JCAD: variants seen among roughly 807,000 people sequenced by gnomAD.
JCAD encodes junctional cadherin 5-associated protein.
JCAD carries 40 observed loss-of-function variants against 98.0 expected under a neutral mutation model. That is an observed-to-expected ratio of 0.41 (90% CI 0.32 to 0.53). The LOEUF is 0.53. JCAD is among the 20% of genes least tolerant of loss of function. The pLI, the probability that JCAD is intolerant of heterozygous loss-of-function variation, is 0.31. For synonymous variants in JCAD, 691 were observed against 682.3 expected (o/e 1.01, Z -0.20); for missense variants, 1,705 against 1,738.1 (o/e 0.98, Z 0.34).
chr10:30,101,824 AG>A (rs1376756468), intron 1 of JCAD, among the ~76,000 whole-genome samples: 2 of 152,218 alleles, frequency 1.3e-5, no homozygotes, highest in Non-Finnish European at 2.9e-5. Flanking sequence ...TTTCAGTGAA[AG>A]GGGAGATTAT....
chr10:30,033,316 T>G (rs916600728), intron 2 of JCAD, among the ~76,000 whole-genome samples: 1 of 152,228 alleles, frequency 6.6e-6, no homozygotes. Context: ...TGGACATTGA[T>G]GTGGATTCTA....
At chr10:30,082,020 G>C (rs987214143) in intron 1 of JCAD, among the ~76,000 whole-genome samples, 1 of 152,154 alleles carries the variant, frequency 6.6e-6, no homozygotes, top group African/African-American at 2.4e-5. Context: ...CTCATTTGCT[G>C]ATATTTAAAC....
intron 2 of JCAD, among the ~76,000 whole-genome samples, chr10:30,068,421 T>C (rs1253403534): frequency 7.3e-6 from 1 of 136,094 alleles, no homozygotes; most frequent in Non-Finnish European, 1.5e-5. Flanking sequence ...AAAAAGAGGA[T>C]GTAAATCTCC....
chr10:30,085,863 A>G (rs1387333270), intron 1 of JCAD, among the ~76,000 whole-genome samples: 2 of 152,348 alleles, frequency 1.3e-5, no homozygotes, highest in East Asian at 1.9e-4. Flanking sequence ...GCAGGAATGT[A>G]TGACATCCCC....
intron 2 of JCAD, among the ~76,000 whole-genome samples, chr10:30,041,716 G>A (rs2032520619): frequency 6.6e-6 from 1 of 152,116 alleles, no homozygotes; most frequent in Non-Finnish European, 1.5e-5. Flanking sequence ...GAATTCCTGG[G>A]GCTATGCAGA....
rs754064866 is a variant in JCAD, at chr10:30,027,324, C to T, written c.2824G>A (p.Gly942Ser). Reference protein sequence around the residue: ...PGRFRVEEGGGAPFCSADGST... With the variant: ...PGRFRVEEGGSAPFCSADGST... ...CCATCTGCTGAGCAGAAAGGTGCAC[C>T]GCCACCTTCTTCCACGCGAAAGCGG... is the stretch of plus-strand genomic sequence containing the variant. The change falls in exon 3 of 4, where the codon GGT becomes AGT. Residue 942 changes from glycine (G) to serine (S), a missense_variant. Transcript: ENST00000375377. 3.7e-6 allele frequency: 6 copies of T among 1,613,614 alleles called. No individual in the cohort carries two copies. In the South Asian group the frequency reaches 4.4e-5, roughly 12 times the overall value.
intron 1 of JCAD, among the ~76,000 whole-genome samples, chr10:30,090,021 C>T (rs770150821): frequency 2.0e-5 from 3 of 152,194 alleles, no homozygotes; most frequent in African/African-American, 4.8e-5. Context: ...GGTCATTTTC[C>T]TTCTCAACCT....
At chr10:30,079,391 T>C (rs1838039230) in intron 1 of JCAD, among the ~76,000 whole-genome samples, 1 of 151,338 alleles carries the variant, frequency 6.6e-6, no homozygotes, top group Non-Finnish European at 1.5e-5. Context: ...CACAGGGGCT[T>C]CTGGTGAACT....
Position 30,104,382 on chromosome 10 carries a change from A to T in JCAD, n.128+10985T>A, listed in dbSNP as rs867045039. Among the ~76,000 whole-genome samples the T allele has an allele frequency of 2.0e-5, 3 of 152,348 alleles. No homozygotes were observed. The East Asian group carries it at 5.8e-4, about 29-fold the overall frequency. The stretch of plus-strand genomic sequence containing the variant: ...AAATGTGGTACATATACACCATGGA[A>T]CACTATGCAGCCATAAGAAAGAATG... On this transcript the variant is annotated intron_variant and non_coding_transcript_variant, in intron 1 of 2. Transcript: ENST00000465712.
intron 1 of JCAD, among the ~76,000 whole-genome samples, chr10:30,076,528 T>C (rs1376600873): frequency 1.3e-5 from 2 of 152,224 alleles, no homozygotes; most frequent in Non-Finnish European, 2.9e-5. Flanking sequence ...AGATTTTCAG[T>C]ATCTTAATTC....
chr10:30,044,864 C>T, intron 2 of JCAD: 1 of 895,166 alleles, frequency 1.1e-6, no homozygotes, highest in Non-Finnish European at 1.3e-6. Context: ...CCCAGGGAAC[C>T]TTGCAGCCAG....
At chr10:30,107,964 T>C (rs1838616729) in intron 1 of JCAD, among the ~76,000 whole-genome samples, 1 of 152,166 alleles carries the variant, frequency 6.6e-6, no homozygotes, top group South Asian at 2.1e-4. Flanking sequence ...CTTTTCTGTC[T>C]AGGATACCTT....
In JCAD at chr10:30,029,467, C is replaced by T; in HGVS notation, c.681G>A (p.Gly227=). 6.2e-7 allele frequency: 1 copy of T among 1,614,122 alleles called. No homozygotes were observed. Among genetic ancestry groups the T allele is most frequent in the Non-Finnish European group, 8.5e-7 (1 of 1,180,020 alleles). The stretch of plus-strand genomic sequence containing the variant: ...GAACTCTAGGCAGTGAGCGAGACTT[C>T]CCTTTGTTTTGAGAATTCAACACAT... The part of the protein sequence containing the change: ...GEHVLNSQNK[G]KSRSLPRVLS... The change falls in exon 3 of 4, where the codon GGG becomes GGA. Residue 227 remains glycine (G), a synonymous_variant. Transcript: ENST00000375377.
chr10:30,053,358 A>G (rs538580370), intron 1 of JCAD, among the ~76,000 whole-genome samples: 24 of 152,038 alleles, frequency 1.6e-4, no homozygotes, highest in African/African-American at 5.3e-4. Context: ...GTCAGGAGTT[A>G]GAGACCAGCC....
At position 30,028,760 on chromosome 10, in the gene JCAD, G is replaced by A. The variant is rs140538119; in HGVS notation, c.1388C>T (p.Pro463Leu). The A allele has an allele frequency of 2.5e-4, 406 of 1,614,230 alleles. No individual in the cohort carries two copies. The African/African-American group carries it at 4.4e-3, about 18-fold the overall frequency. The change falls in exon 3 of 4, where the codon CCG becomes CTG. Residue 463 changes from proline to leucine, a missense_variant. By Grantham distance (98) the Pro-to-Leu change is moderately conservative. Around this residue, in one of 3 missense-constraint regions of JCAD, gnomAD observed 1,278 missense variants for 1,243.1 expected, o/e 1.03. Transcript: ENST00000375377. ...YNSSPVTAQEPAHGGMQPDGA... is the reference protein window; with the variant it reads ...YNSSPVTAQELAHGGMQPDGA... The stretch of plus-strand genomic sequence containing the variant: ...ATCAGGCTGCATTCCTCCATGAGCC[G>A]GCTCTTGAGCAGTGACAGGACTGGA...
rs749926597 is a variant in JCAD at position 30,047,613 on chromosome 10, C to G, written c.200G>C (p.Ser67Thr). 6 of 1,614,200 alleles carry G rather than the reference C, an allele frequency of 3.7e-6. No homozygotes were observed. Among genetic ancestry groups the G allele is most frequent in the Middle Eastern group, 1.6e-4 (1 of 6,062 alleles). Reference protein sequence around the residue: ...RKTSAGKGHVSDSESRRSTPR... With the variant: ...RKTSAGKGHVTDSESRRSTPR... ...TGTGCTGCGGCGGCTTTCGGAGTCA[C>G]TCACATGTCCTTTCCCCGCGGACGT... Residue 67 changes from serine to threonine, a missense_variant, in exon 2 of 4, where the codon AGT becomes ACT. Transcript: ENST00000375377.
At chr10:30,090,968 G>C (rs937480434) in intron 1 of JCAD, among the ~76,000 whole-genome samples, 4 of 152,190 alleles carry the variant, frequency 2.6e-5, no homozygotes, top group African/African-American at 9.7e-5. Flanking sequence ...CCTGGGCCAA[G>C]CTCATTAATC....
rs1206067455 is a variant in JCAD, at chr10:30,029,194, C to T, written c.954G>A (p.Gln318=). The T allele has an allele frequency of 6.2e-7, 1 of 1,614,196 alleles. No homozygotes were observed. The highest frequency in any genetic ancestry group is 1.7e-5 in the Admixed American group (1 of 60,026). The change falls in exon 3 of 4, where the codon CAG becomes CAA. Residue 318 remains glutamine (Q), a synonymous_variant. Coordinates refer to ENST00000375377, the MANE Select transcript of JCAD (RefSeq NM_020848.4). ...ADSSDSQDSQ[Q]MDAYVPRHEL... is the part of the protein sequence containing the mutation. ...CATGCCTGGGGACATAGGCGTCCATCTGCTGGCTGTCCTGAGAGTCACTGC... is the reference window on the plus strand; with the variant it reads ...CATGCCTGGGGACATAGGCGTCCATTTGCTGGCTGTCCTGAGAGTCACTGC...
Position 30,105,374 on chromosome 10 carries a change from A to T in JCAD, n.128+9993T>A, listed in dbSNP as rs369113690. Among the ~76,000 whole-genome samples, 668 of 136,520 alleles carry T rather than the reference A, an allele frequency of 4.9e-3. 10 individuals carry two copies. In the South Asian group the frequency reaches 0.051, roughly 10 times the overall value. The allele number at this position is 136,520 out of a possible 152,430, so 89.6% of individuals were successfully genotyped here. A position where few individuals can be genotyped will look rare whatever the true frequency, so the allele number is the denominator to read the frequency against. On this transcript the variant is annotated intron_variant and non_coding_transcript_variant, in intron 1 of 2. Coordinates refer to the JCAD transcript ENST00000465712. ...TCTTTCTTTCTTTTTTTTTTTTTTG[A>T]GATGGAGTATTGCTCTCTTGCTCAC... is the stretch of plus-strand genomic sequence containing the variant.
Sources: gnomAD v4.1 joint callset for allele counts (sites outside exome capture counted in the v4.1 genomes callset) on GRCh38, gnomAD v4.1.1 for gene constraint, gnomAD v4.1.1 regional missense constraint, MANE v1.5 for transcripts, NCBI Gene and HGNC (gene_info 2026-07-23, HGNC 2026-07-21) for gene names.